MCUB: variants seen among roughly 807,000 people sequenced by gnomAD.
The protein encoded by MCUB is calcium uniporter regulatory subunit MCUb, mitochondrial.
A neutral mutation model predicts 41.4 loss-of-function variants in MCUB; 46 were observed. The ratio of observed to expected loss-of-function variants is 1.11; its 90% CI spans 0.88 to 1.42. The LOEUF is 1.42. Ranked by LOEUF, MCUB falls within the 40% of genes most tolerant of loss-of-function variation. The probability of loss-of-function intolerance (pLI) is 0.00; values close to 1 mark genes in which losing one functional copy is unlikely to be tolerated. For synonymous variants in MCUB, 148 were observed against 148.2 expected (o/e 1.00, Z 0.01); for missense variants, 403 against 404.9 (o/e 1.00, Z 0.04).
chr4:109,569,196 G>GA (rs200392754), intron 1 of MCUB, among the ~76,000 whole-genome samples: 5,856 of 151,786 alleles, frequency 0.039, 126 homozygotes, highest in East Asian at 0.054. Flanking sequence ...ACAGGTGCCT[G>GA]CCACCACGCC....
chr4:109,622,358 AG>A (rs1482642593), intron 1 of MCUB, among the ~76,000 whole-genome samples: 1 of 152,220 alleles, frequency 6.6e-6, no homozygotes, highest in Non-Finnish European at 1.5e-5. Context: ...TTTATTTTAA[AG>A]AAAAAATTTT....
intron 4 of MCUB, among the ~76,000 whole-genome samples, chr4:109,676,685 A>G (rs1381251010): frequency 6.6e-6 from 1 of 152,228 alleles, no homozygotes; most frequent in African/African-American, 2.4e-5. Flanking sequence ...TTTCTGCTGC[A>G]ATAGCAGAAT....
Position 109,560,420 on chromosome 4 carries a change from T to C in MCUB, c.83T>C (p.Leu28Pro). 7.7e-7 allele frequency: 1 copy of C among 1,299,054 alleles called. No individual in the cohort carries two copies. 80.5% of individuals were successfully genotyped at this position (1,299,054 alleles called of 1,614,324 possible). ...TGGCGCCCAGCGCGCCCGTGGCCGC[T>C]GCCGCCTCCGCCCCAGGTAAGAGCG... is the stretch of plus-strand genomic sequence containing the variant. ...GTWRPARPWP[L>P]PPPPQVLRVK... is the part of the protein sequence containing the mutation. Residue 28 changes from leucine (L) to proline (P), a missense_variant, in exon 1 of 8, where the codon CTG (leucine) becomes CCG (proline). Transcript: ENST00000394650.
intron 1 of MCUB, among the ~76,000 whole-genome samples, chr4:109,597,978 C>G (rs1466909749): frequency 1.3e-5 from 2 of 149,122 alleles, no homozygotes; most frequent in East Asian, 4.1e-4. Flanking sequence ...CAGAGGCGCT[C>G]CCCACATCTC....
At chr4:109,681,304 G>A in intron 4 of MCUB, 1 of 264,026 alleles carries the variant, frequency 3.8e-6, no homozygotes. Flanking sequence ...GCAAATTGTG[G>A]AAAAGCAAAT....
intron 7 of MCUB, among the ~76,000 whole-genome samples, chr4:109,686,977 G>C (rs944386545): frequency 6.6e-6 from 1 of 151,444 alleles, no homozygotes; most frequent in Non-Finnish European, 1.5e-5. Context: ...TTTTTTTTAA[G>C]AATATTAAGT....
chr4:109,575,414 C>T (rs1263055278), intron 1 of MCUB, among the ~76,000 whole-genome samples: 1 of 152,204 alleles, frequency 6.6e-6, no homozygotes, highest in East Asian at 1.9e-4. Context: ...GAAACCAACT[C>T]AAGTGTACTA....
intron 1 of MCUB, among the ~76,000 whole-genome samples, chr4:109,619,234 C>T (rs1452931536): frequency 6.6e-6 from 1 of 152,106 alleles, no homozygotes. Context: ...TGCCACCATA[C>T]CCAGCTAATT....
chr4:109,609,193 G>A (rs1727946724), intron 1 of MCUB, among the ~76,000 whole-genome samples: 1 of 152,120 alleles, frequency 6.6e-6, no homozygotes, highest in African/African-American at 2.4e-5. Flanking sequence ...AATAATTCAG[G>A]GTGAGTCCAC....
intron 4 of MCUB, among the ~76,000 whole-genome samples, chr4:109,664,934 T>C (rs1031817593): frequency 9.6e-5 from 9 of 93,720 alleles, no homozygotes; most frequent in African/African-American, 4.9e-4. Context: ...GTATAGCTCT[T>C]AACTCTTGTA....
intron 1 of MCUB, among the ~76,000 whole-genome samples, chr4:109,609,073 CT>C (rs1727944294): frequency 6.6e-6 from 1 of 151,976 alleles, no homozygotes; most frequent in Non-Finnish European, 1.5e-5. Context: ...GGATCTCTCT[CT>C]CTCTCTCTGT....
At position 109,659,028 on chromosome 4, in the gene MCUB, G is replaced by T; in HGVS notation, c.117G>T (p.Leu39=). 6.5e-7 allele frequency: 1 copy of T among 1,540,276 alleles called. No homozygotes were observed. ...TCTTGTAGGTTTTGCGTGTGAAGCT[G>T]TGTGGAAATGTGAAATACTACCAGT... ...PPPPQVLRVK[L]CGNVKYYQSH... is the part of the protein sequence containing the mutation. The change falls in exon 2 of 8, where the codon CTG becomes CTT. Residue 39 remains leucine (L), a synonymous_variant. Coordinates refer to ENST00000394650, the MANE Select transcript of MCUB (RefSeq NM_017918.5).
At chr4:109,646,583 CT>C (rs1728842928) in intron 1 of MCUB, among the ~76,000 whole-genome samples, 1 of 152,140 alleles carries the variant, frequency 6.6e-6, no homozygotes, top group Non-Finnish European at 1.5e-5. Context: ...TACTTAAAAC[CT>C]TTCAATAAAT....
chr4:109,686,698 A>T (rs561765859), intron 7 of MCUB, among the ~76,000 whole-genome samples: 1 of 152,066 alleles, frequency 6.6e-6, no homozygotes. Flanking sequence ...ACATAGTGAG[A>T]CCTCATCTCT....
chr4:109,661,648 T>G (rs1008311134), intron 3 of MCUB, among the ~76,000 whole-genome samples: 11 of 151,496 alleles, frequency 7.3e-5, no homozygotes, highest in Non-Finnish European at 1.5e-4. Context: ...TAAAGCAGAG[T>G]GTGGAAGATG....
At chr4:109,603,861 C>T (rs1206566279) in intron 1 of MCUB, among the ~76,000 whole-genome samples, 3 of 152,048 alleles carry the variant, frequency 2.0e-5, no homozygotes, top group Admixed American at 6.5e-5. Context: ...CCTCTCTGCC[C>T]GGCCGCCACC....
chr4:109,644,468 A>G (rs576799103), intron 1 of MCUB, among the ~76,000 whole-genome samples: 49 of 152,334 alleles, frequency 3.2e-4, no homozygotes, highest in African/African-American at 1.0e-3. Flanking sequence ...CTTTGCATAA[A>G]CAAAGTAATT....
intron 1 of MCUB, among the ~76,000 whole-genome samples, chr4:109,597,689 C>G (rs1163853482): frequency 7.2e-6 from 1 of 139,118 alleles, no homozygotes; most frequent in South Asian, 2.3e-4. Context: ...GGGGGGCTGA[C>G]CCCCCACCTC....
At chr4:109,563,712 T>C (rs1320405713) in intron 1 of MCUB, among the ~76,000 whole-genome samples, 1 of 152,220 alleles carries the variant, frequency 6.6e-6, no homozygotes, top group Non-Finnish European at 1.5e-5. Context: ...AGTGCTGTTT[T>C]ACAGCAAATT....
Sources: gnomAD v4.1 joint callset for allele counts (sites outside exome capture counted in the v4.1 genomes callset) on GRCh38, gnomAD v4.1.1 for gene constraint, MANE v1.5 for transcripts, NCBI Gene and HGNC (gene_info 2026-07-23, HGNC 2026-07-21) for gene names.